The following LNX1 variants were observed in gnomAD, a reference collection of about 807,000 sequenced individuals.
The protein encoded by LNX1 is ligand of numb-protein X 1.
LNX1 carries 54 observed loss-of-function variants against 68.4 expected under a neutral mutation model. That is an observed-to-expected ratio of 0.79 (90% CI 0.63 to 0.99). The LOEUF is 0.99. Ranked by LOEUF, LNX1 falls within the 50% of genes least tolerant of loss-of-function variation. The probability of loss-of-function intolerance (pLI) is 0.00; values close to 1 mark genes in which losing one functional copy is unlikely to be tolerated. For synonymous variants in LNX1, 336 were observed against 350.0 expected, an observed-to-expected ratio of 0.96 and a Z score of 0.45; for missense variants, 906 against 926.4, an observed-to-expected ratio of 0.98 and a Z score of 0.29.
intron 4 of LNX1, chr4:53,500,098 A>G (rs1725366007): frequency 6.6e-6 from 1 of 152,160 alleles, no homozygotes; most frequent in Non-Finnish European, 1.5e-5. Context: ...CTGACTGGAC[A>G]TCCCAAAGTT....
chr4:53,547,862 G>T (rs6812927), intron 2 of LNX1, among the ~76,000 whole-genome samples: 10 of 151,918 alleles, frequency 6.6e-5, no homozygotes, highest in Admixed American at 1.3e-4. Flanking sequence ...TGACTGTAAG[G>T]CTGATGAATA....
chr4:53,644,043 G>A (rs528234175), intron 1 of LNX1, among the ~76,000 whole-genome samples: 1 of 152,126 alleles, frequency 6.6e-6, no homozygotes, highest in African/African-American at 2.4e-5. Context: ...CTCCTCAAAA[G>A]CAAAACCCCG....
At chr4:53,532,980 T>A (rs1560649880) in intron 2 of LNX1, among the ~76,000 whole-genome samples, 1 of 152,212 alleles carries the variant, frequency 6.6e-6, no homozygotes, top group Non-Finnish European at 1.5e-5. Context: ...GGAGCCCATA[T>A]ATTGTTTTCC....
chr4:53,586,126 A>T (rs1732155479), intron 1 of LNX1, among the ~76,000 whole-genome samples: 1 of 152,012 alleles, frequency 6.6e-6, no homozygotes, highest in Non-Finnish European at 1.5e-5. Flanking sequence ...AAATTTGCAA[A>T]GGGCCTCAAG....
At chr4:53,524,178 C>T (rs908318469) in intron 2 of LNX1, 1 of 151,992 alleles carries the variant, frequency 6.6e-6, no homozygotes, top group East Asian at 1.9e-4. Context: ...TATATTTTTT[C>T]TCTTCTAAAA....
rs1431653863 is a variant in LNX1, at chr4:53,526,279, T to C, written c.381-18052A>G. On this transcript the variant is annotated intron_variant, in intron 2 of 10. Transcript: ENST00000263925. ...TCAGAAATTCAATTTGAGGAGCTTA[T>C]GAATGTTGATGTAAAATGATGAGTA... Among the ~76,000 whole-genome samples, 7 of 152,176 alleles carry C rather than the reference T, an allele frequency of 4.6e-5. No homozygotes were observed. The South Asian group carries it at 1.4e-3, about 32-fold the overall frequency.
intron 1 of LNX1, chr4:53,575,945 C>T (rs1301027460): frequency 5.7e-6 from 9 of 1,566,090 alleles, no homozygotes; most frequent in Middle Eastern, 1.8e-4. Context: ...ACCAACCTGC[C>T]GCAGGAGTGG....
intron 1 of LNX1, among the ~76,000 whole-genome samples, chr4:53,649,929 T>G (rs1417014059): frequency 6.6e-6 from 1 of 152,134 alleles, no homozygotes; most frequent in Non-Finnish European, 1.5e-5. Flanking sequence ...TATCTGTTGT[T>G]GAGTAAATGA....
chr4:53,634,029 C>T (rs1320583007), intron 1 of LNX1, among the ~76,000 whole-genome samples: 1 of 152,162 alleles, frequency 6.6e-6, no homozygotes, highest in Admixed American at 6.5e-5. Context: ...TAATAACACT[C>T]TGAAACCATT....
intron 2 of LNX1, among the ~76,000 whole-genome samples, chr4:53,614,798 C>T (rs1431644795): frequency 6.6e-6 from 1 of 152,194 alleles, no homozygotes; most frequent in Non-Finnish European, 1.5e-5. Flanking sequence ...TCACATCTGT[C>T]TGCTTCCTTC....
chr4:53,487,548 A>C (rs1278560780), intron 6 of LNX1, among the ~76,000 whole-genome samples: 3 of 152,168 alleles, frequency 2.0e-5, no homozygotes, highest in Non-Finnish European at 4.4e-5. Flanking sequence ...GTATTATTCT[A>C]TACACACACT....
At chr4:53,566,518 C>T (rs1201251526) in intron 2 of LNX1, among the ~76,000 whole-genome samples, 3 of 150,076 alleles carry the variant, frequency 2.0e-5, no homozygotes, top group Non-Finnish European at 4.5e-5. Context: ...TGGAAAGGAA[C>T]AACCGGTACC....
upstream of LNX1, among the ~76,000 whole-genome samples, chr4:53,622,235 G>T (rs923822447): frequency 1.3e-5 from 2 of 152,154 alleles, no homozygotes; most frequent in Non-Finnish European, 2.9e-5. Flanking sequence ...AGGAAAAGTG[G>T]ATTTTGATTA....
At chr4:53,494,091 CT>C (rs2109461389) in intron 6 of LNX1, among the ~76,000 whole-genome samples, 1 of 152,336 alleles carries the variant, frequency 6.6e-6, no homozygotes, top group South Asian at 2.1e-4. Flanking sequence ...CCACCCAAAT[CT>C]CATCTTGAAT....
At chr4:53,534,935 T>A (rs1403270167) in intron 2 of LNX1, among the ~76,000 whole-genome samples, 1 of 152,198 alleles carries the variant, frequency 6.6e-6, no homozygotes, top group Admixed American at 6.5e-5. Flanking sequence ...TGTAAAACAA[T>A]TACAACAGAA....
upstream of LNX1, among the ~76,000 whole-genome samples, chr4:53,595,485 A>T (rs1732707478): frequency 6.6e-6 from 1 of 152,232 alleles, no homozygotes; most frequent in African/African-American, 2.4e-5. Flanking sequence ...AATGGTTTTC[A>T]GCATTGAGCT....
At chr4:53,628,431 A>G (rs1734153710) in intron 1 of LNX1, among the ~76,000 whole-genome samples, 1 of 152,220 alleles carries the variant, frequency 6.6e-6, no homozygotes, top group Admixed American at 6.5e-5. Flanking sequence ...AATTAAAACC[A>G]TGATGAGACA....
At chr4:53,637,380 G>T (rs542776214) in intron 1 of LNX1, among the ~76,000 whole-genome samples, 1 of 151,896 alleles carries the variant, frequency 6.6e-6, no homozygotes, top group African/African-American at 2.4e-5. Flanking sequence ...AATCATAGGG[G>T]TCCATGGTGC....
intron 2 of LNX1, among the ~76,000 whole-genome samples, chr4:53,511,775 A>G (rs1452530328): frequency 1.3e-5 from 2 of 152,208 alleles, no homozygotes; most frequent in East Asian, 3.9e-4. Flanking sequence ...GAGGGAACTC[A>G]GATGTGATTC....
Sources: gnomAD v4.1 joint callset for allele counts (sites outside exome capture counted in the v4.1 genomes callset) on GRCh38, gnomAD v4.1.1 for gene constraint, MANE v1.5 for transcripts, NCBI Gene and HGNC (gene_info 2026-07-23, HGNC 2026-07-21) for gene names.